C2orf76: variants seen among roughly 807,000 people sequenced by gnomAD.
The protein encoded by C2orf76 is UPF0538 protein C2orf76.
A neutral mutation model predicts 16.9 loss-of-function variants in C2orf76; 23 were observed. The observed-to-expected ratio is 1.36, with a 90% confidence interval of 0.98 to 1.93. The LOEUF (loss-of-function observed/expected upper bound fraction) is 1.93. C2orf76 is among the 30% of genes most tolerant of loss of function. C2orf76 has a pLI of 0.00. For synonymous variants in C2orf76, 48 were observed against 52.3 expected, an observed-to-expected ratio of 0.92 and a Z score of 0.35; for missense variants, 152 against 152.6, an observed-to-expected ratio of 1.00 and a Z score of 0.02.
intron 1 of C2orf76, among the ~76,000 whole-genome samples, chr2:119,345,628 T>G (rs1246831462): frequency 2.0e-5 from 3 of 152,212 alleles, no homozygotes; most frequent in African/African-American, 7.2e-5. Flanking sequence ...AAAGTGGCTT[T>G]CCAAGTGAGG....
At chr2:119,293,274 GGC>G in the C2orf76 span, among the ~76,000 whole-genome samples, 1 of 152,180 alleles carries the variant, frequency 6.6e-6, no homozygotes, top group Non-Finnish European at 1.5e-5. Context: ...AAGCAGAGAA[GGC>G]CTCTTTTATG....
At chr2:119,340,735 G>C (rs73948660) in intron 1 of C2orf76, among the ~76,000 whole-genome samples, 1,472 of 144,228 alleles carry the variant, frequency 0.01, 24 homozygotes, top group African/African-American at 0.034. Context: ...CAATTTAATT[G>C]CAAAGTTCAT....
At chr2:119,299,471 C>T (rs939938626), downstream of C2orf76, among the ~76,000 whole-genome samples, 7 of 152,084 alleles carry the variant, frequency 4.6e-5, no homozygotes, top group Non-Finnish European at 7.4e-5. Context: ...TGGTAAAAGT[C>T]CTTTTTAGTC....
At chr2:119,308,485 A>G (rs1346842125) in intron 5 of C2orf76, among the ~76,000 whole-genome samples, 1 of 152,208 alleles carries the variant, frequency 6.6e-6, no homozygotes, top group Non-Finnish European at 1.5e-5. Context: ...ACTAAAAAAT[A>G]CAAAAATTAG....
chr2:119,286,968 C>T, the C2orf76 span, among the ~76,000 whole-genome samples: 2 of 152,120 alleles, frequency 1.3e-5, no homozygotes, highest in Non-Finnish European at 2.9e-5. Context: ...TCTTAGTACC[C>T]CCAGTGAGCA....
chr2:119,365,981 G>C (rs1160194437), intron 1 of C2orf76, among the ~76,000 whole-genome samples: 2 of 151,878 alleles, frequency 1.3e-5, no homozygotes, highest in African/African-American at 2.4e-5. Flanking sequence ...CTCTTCCCCT[G>C]GTTCCTTGCC....
At chr2:119,310,807 G>A (rs944712596) in intron 5 of C2orf76, among the ~76,000 whole-genome samples, 5 of 152,176 alleles carry the variant, frequency 3.3e-5, no homozygotes, top group African/African-American at 1.2e-4. Flanking sequence ...CCGGGAGATG[G>A]AGGTTGCAGT....
rs1264282493 is a variant in C2orf76, at chr2:119,339,875, C to T, written c.85G>A (p.Val29Met). Residue 29 changes from valine (V) to methionine (M), a missense_variant, in exon 2 of 6, where the codon GTG becomes ATG. Val to Met is a conservative substitution (Grantham distance 21). Coordinates refer to ENST00000334816, the MANE Select transcript of C2orf76 (RefSeq NM_001322331.2). ...RNFKPVVYHG[V>M]NLDQTVKEFI... ...TCCTTTACAGTTTGGTCCAAATTCACTCCGTGATACACTACAGGTTTGAAA... is the reference window on the plus strand; with the variant it reads ...TCCTTTACAGTTTGGTCCAAATTCATTCCGTGATACACTACAGGTTTGAAA... 1.9e-6 allele frequency: 3 copies of T among 1,611,324 alleles called. No individual in the cohort carries two copies. The highest frequency in any genetic ancestry group is 1.1e-5 in the South Asian group (1 of 90,974).
At chr2:119,360,568 A>C (rs1680714415) in intron 1 of C2orf76, among the ~76,000 whole-genome samples, 1 of 152,130 alleles carries the variant, frequency 6.6e-6, no homozygotes, top group African/African-American at 2.4e-5. Context: ...TAGTGTAAAC[A>C]TAACTTGTAT....
At chr2:119,301,024 C>G (rs1438033592), downstream of C2orf76, among the ~76,000 whole-genome samples, 1 of 151,448 alleles carries the variant, frequency 6.6e-6, no homozygotes, top group Non-Finnish European at 1.5e-5. Context: ...TTCTTCTAAG[C>G]AAAAATTCCC....
chr2:119,361,817 A>G (rs1680754677), intron 1 of C2orf76, among the ~76,000 whole-genome samples: 1 of 151,900 alleles, frequency 6.6e-6, no homozygotes, highest in Admixed American at 6.6e-5. Context: ...CCGCACGTCA[A>G]TCTATATAGT....
At chr2:119,283,188 G>A in the C2orf76 span, among the ~76,000 whole-genome samples, 1 of 152,196 alleles carries the variant, frequency 6.6e-6, no homozygotes, top group East Asian at 1.9e-4. Flanking sequence ...TGTCAACAGT[G>A]GCACCAAGGT....
At chr2:119,296,644 C>T in the C2orf76 span, among the ~76,000 whole-genome samples, 1 of 152,186 alleles carries the variant, frequency 6.6e-6, no homozygotes, top group African/African-American at 2.4e-5. Context: ...TAGGCAGGAA[C>T]TTCACCATCT....
chr2:119,311,584 G>C, intron 5 of C2orf76, 38 bp downstream of exon 5: 1 of 1,601,952 alleles, frequency 6.2e-7, no homozygotes, highest in South Asian at 1.1e-5. Flanking sequence ...TAGGCCGGCA[G>C]AGGTCCCCCT....
downstream of C2orf76, among the ~76,000 whole-genome samples, chr2:119,301,918 TAA>T (rs34452099): frequency 2.2e-5 from 3 of 138,878 alleles, no homozygotes; most frequent in African/African-American, 5.3e-5. Context: ...TGCAATACTT[TAA>T]AAAAAAAAAA....
At chr2:119,288,514 C>A in the C2orf76 span, among the ~76,000 whole-genome samples, 108 of 152,034 alleles carry the variant, frequency 7.1e-4, no homozygotes, top group African/African-American at 2.6e-3. Context: ...ACATCATCTC[C>A]TCTGAAAACC....
At chr2:119,358,317 C>T (rs1680635302) in intron 1 of C2orf76, among the ~76,000 whole-genome samples, 1 of 145,082 alleles carries the variant, frequency 6.9e-6, no homozygotes, top group African/African-American at 2.5e-5. Context: ...TGGCTCACGC[C>T]TGTAATCCCA....
intron 2 of C2orf76, chr2:119,338,754 A>G (rs1231554115): frequency 6.6e-6 from 1 of 152,248 alleles, no homozygotes; most frequent in Non-Finnish European, 1.5e-5. Context: ...GGATCCACGC[A>G]CCACTACCCC....
chr2:119,349,780 T>C (rs1680322922), intron 1 of C2orf76, among the ~76,000 whole-genome samples: 1 of 152,174 alleles, frequency 6.6e-6, no homozygotes, highest in Non-Finnish European at 1.5e-5. Flanking sequence ...CTCTGTATGC[T>C]GTAGCACCTA....
Sources: allele counts gnomAD v4.1 joint callset (sites outside exome capture counted in the v4.1 genomes callset), GRCh38; gene constraint gnomAD v4.1.1; transcripts MANE v1.5; gene names NCBI Gene and HGNC (gene_info 2026-07-23, HGNC 2026-07-21).